MALRD1: variants seen among roughly 807,000 people sequenced by gnomAD.
The protein encoded by MALRD1 is MAM and LDL receptor class A domain containing 1.
A neutral mutation model predicts 242.1 loss-of-function variants in MALRD1; 247 were observed. The observed-to-expected ratio is 1.02, with a 90% CI of 0.92 to 1.13. The LOEUF (loss-of-function observed/expected upper bound fraction) is 1.13, where lower values mean the gene tolerates loss of function less well. MALRD1 is among the 50% of genes most tolerant of loss of function. The pLI, the probability that MALRD1 is intolerant of heterozygous loss-of-function variation, is 0.00. For missense variants in MALRD1, 2,989 were observed against 2,533.1 expected, an observed-to-expected ratio of 1.18 and a Z score of -3.86; for synonymous variants, 995 against 866.6, an observed-to-expected ratio of 1.15 and a Z score of -2.60.
intron 9 of MALRD1, among the ~76,000 whole-genome samples, chr10:19,135,862 C>A (rs147446020): frequency 3.9e-4 from 59 of 152,300 alleles, no homozygotes; most frequent in South Asian, 1.0e-3. Context: ...AATACTTTGA[C>A]ATTATCTTAC....
intron 28 of MALRD1, among the ~76,000 whole-genome samples, chr10:19,419,122 T>C (rs1228700217): frequency 1.3e-5 from 2 of 152,184 alleles, no homozygotes; most frequent in African/African-American, 2.4e-5. Flanking sequence ...CTTTGCCACC[T>C]GACTCCCACG....
intron 32 of MALRD1, among the ~76,000 whole-genome samples, chr10:19,533,479 A>C (rs180848681): frequency 1.1e-3 from 168 of 152,296 alleles, no homozygotes; most frequent in African/African-American, 3.9e-3. Flanking sequence ...CTGTAAAGAA[A>C]TACCTGAGAC....
intron 5 of MALRD1, among the ~76,000 whole-genome samples, chr10:19,119,937 T>C (rs1028498616): frequency 1.3e-5 from 2 of 151,838 alleles, no homozygotes; most frequent in East Asian, 3.9e-4. Flanking sequence ...GTCTCAGTCA[T>C]ACTTTTGCAA....
chr10:19,311,181 T>G (rs780585321), intron 21 of MALRD1, among the ~76,000 whole-genome samples: 2 of 151,492 alleles, frequency 1.3e-5, no homozygotes, highest in Non-Finnish European at 3.0e-5. Flanking sequence ...GATACAGTTT[T>G]AATACTTCTG....
intron 1 of MALRD1, among the ~76,000 whole-genome samples, chr10:19,060,707 G>A (rs1035333135): frequency 1.3e-5 from 2 of 152,090 alleles, no homozygotes; most frequent in African/African-American, 2.4e-5. Context: ...AACTTTCCTA[G>A]AGGCAATGAC....
chr10:19,468,663 G>C (rs1208159533), intron 29 of MALRD1, among the ~76,000 whole-genome samples: 1 of 151,842 alleles, frequency 6.6e-6, no homozygotes, highest in African/African-American at 2.4e-5. Flanking sequence ...CAGACTGTAA[G>C]AACACAGCCT....
At chr10:19,537,765 C>T (rs191236820) in intron 32 of MALRD1, among the ~76,000 whole-genome samples, 43 of 152,232 alleles carry the variant, frequency 2.8e-4, no homozygotes, top group East Asian at 5.8e-4. Context: ...GCACTAATCC[C>T]ATTCATGAGG....
chr10:19,447,748 C>T (rs1036079631), intron 28 of MALRD1, among the ~76,000 whole-genome samples: 1 of 152,242 alleles, frequency 6.6e-6, no homozygotes, highest in East Asian at 1.9e-4. Flanking sequence ...ACCACCCTTT[C>T]CTTTAATTTT....
At chr10:19,603,962 C>T (rs969146297) in intron 34 of MALRD1, among the ~76,000 whole-genome samples, 9 of 152,118 alleles carry the variant, frequency 5.9e-5, no homozygotes, top group African/African-American at 1.9e-4. Context: ...CTCCCCATTC[C>T]CTGAGGCTGA....
At chr10:19,157,339 C>CT (rs936884862) in intron 12 of MALRD1, among the ~76,000 whole-genome samples, 5 of 147,762 alleles carry the variant, frequency 3.4e-5, no homozygotes, top group African/African-American at 1.0e-4. Context: ...GTGGCGCAAT[C>CT]TGGGCTCACT....
chr10:19,281,102 T>A (rs1360932807), intron 20 of MALRD1, among the ~76,000 whole-genome samples: 5 of 152,210 alleles, frequency 3.3e-5, no homozygotes, highest in Non-Finnish European at 4.4e-5. Flanking sequence ...AAAAAAATGT[T>A]TTTTAATGTA....
At chr10:19,275,548 A>G (rs997465705) in intron 19 of MALRD1, among the ~76,000 whole-genome samples, 1 of 152,194 alleles carries the variant, frequency 6.6e-6, no homozygotes, top group Non-Finnish European at 1.5e-5. Flanking sequence ...GGGCGCCTGT[A>G]GTCCCCACTA....
intron 26 of MALRD1, among the ~76,000 whole-genome samples, chr10:19,363,430 A>G (rs943096090): frequency 6.6e-6 from 1 of 152,146 alleles, no homozygotes; most frequent in African/African-American, 2.4e-5. Context: ...AGGAGTGACT[A>G]CGTCAGATGT....
intron 13 of MALRD1, among the ~76,000 whole-genome samples, chr10:19,174,337 T>G (rs1835132246): frequency 6.6e-6 from 1 of 152,124 alleles, no homozygotes; most frequent in Admixed American, 6.5e-5. Context: ...GGTGCTGTAT[T>G]TTGGGATAGC....
At chr10:19,490,216 CTTTT>C (rs1321091977) in intron 29 of MALRD1, among the ~76,000 whole-genome samples, 1 of 151,914 alleles carries the variant, frequency 6.6e-6, no homozygotes, top group East Asian at 1.9e-4. Context: ...GAAAAAATAT[CTTTT>C]TATCTTTTTT....
intron 23 of MALRD1, among the ~76,000 whole-genome samples, chr10:19,328,844 A>G (rs1247029976): frequency 6.6e-6 from 1 of 152,118 alleles, no homozygotes; most frequent in Non-Finnish European, 1.5e-5. Flanking sequence ...GAAACTTTTT[A>G]TTAGAGGGAT....
At chr10:19,296,910 T>A (rs116962356) in intron 21 of MALRD1, among the ~76,000 whole-genome samples, 2,822 of 151,904 alleles carry the variant, frequency 0.019, 53 homozygotes, top group African/African-American at 0.033. Flanking sequence ...TTCATAAGGC[T>A]CTCATGATTA....
chr10:19,658,974 G>T (rs536195952), intron 36 of MALRD1, among the ~76,000 whole-genome samples: 1 of 152,172 alleles, frequency 6.6e-6, no homozygotes, highest in South Asian at 2.1e-4. Context: ...CAAATGGTTT[G>T]TTATCTGTAA....
intron 29 of MALRD1, among the ~76,000 whole-genome samples, chr10:19,455,148 C>G (rs1835576625): frequency 6.6e-6 from 1 of 152,096 alleles, no homozygotes; most frequent in South Asian, 2.1e-4. Flanking sequence ...GATGTCTCTC[C>G]TTTTTATTCA....
Sources: allele counts gnomAD v4.1 joint callset (sites outside exome capture counted in the v4.1 genomes callset), GRCh38; gene constraint gnomAD v4.1.1; transcripts MANE v1.5; gene names NCBI Gene and HGNC (gene_info 2026-07-23, HGNC 2026-07-21).